Variants in MBD5 observed in about 807,000 individuals in gnomAD.
The protein encoded by MBD5 is methyl-CpG-binding domain protein 5.
MBD5 carries 13 observed loss-of-function variants against 117.3 expected under a neutral mutation model. The ratio of observed to expected loss-of-function variants is 0.11; its 90% CI spans 0.07 to 0.18. The LOEUF (loss-of-function observed/expected upper bound fraction) is 0.18, where lower values mean the gene tolerates loss of function less well. Among genes scored for constraint, MBD5 ranks in the 10% least tolerant of loss-of-function variants. MBD5 has a pLI of 1.00. For missense variants in MBD5, 1,879 were observed against 2,093.8 expected (o/e 0.90, Z 2.00); for synonymous variants, 727 against 766.4 (o/e 0.95, Z 0.85).
chr2:148,053,941 T>G (rs1694787894), intron 1 of MBD5: 1 of 151,770 alleles, frequency 6.6e-6, no homozygotes, highest in South Asian at 2.1e-4. Context: ...AGGGTTTTGC[T>G]TTGTCATCCT....
intron 2 of MBD5, among the ~76,000 whole-genome samples, chr2:148,227,604 T>G (rs1286978916): frequency 6.6e-6 from 1 of 152,206 alleles, no homozygotes; most frequent in African/African-American, 2.4e-5. Context: ...TGGGCTCTAT[T>G]TTGGTTCCAT....
At chr2:148,280,332 G>C (rs957288407) in intron 3 of MBD5, among the ~76,000 whole-genome samples, 1 of 151,874 alleles carries the variant, frequency 6.6e-6, no homozygotes, top group African/African-American at 2.4e-5. Flanking sequence ...GTATTTTGTC[G>C]ATTTTATTTT....
chr2:148,255,657 T>C (rs1700571854), intron 3 of MBD5, among the ~76,000 whole-genome samples: 1 of 152,122 alleles, frequency 6.6e-6, no homozygotes, highest in African/African-American at 2.4e-5. Flanking sequence ...TGGCAGCCTG[T>C]TGTAAGAAAG....
chr2:148,378,430 T>C (rs1346254326), intron 4 of MBD5, among the ~76,000 whole-genome samples: 2 of 152,120 alleles, frequency 1.3e-5, no homozygotes, highest in Admixed American at 6.5e-5. Flanking sequence ...GCATTTCTTT[T>C]ACTGCCTAAT....
chr2:148,167,023 G>A (rs1698141444), intron 1 of MBD5, among the ~76,000 whole-genome samples: 1 of 151,878 alleles, frequency 6.6e-6, no homozygotes, highest in African/African-American at 2.4e-5. Flanking sequence ...AAAAGATTAT[G>A]CTTTACATTG....
rs73019228 is a variant in MBD5 at position 148,446,426 on chromosome 2, T to C, written c.-556-11777T>C. The stretch of plus-strand genomic sequence containing the variant: ...ACAAACAAACAAACAAACAGAACAA[T>C]AGTCTGGATATGAAGGGAAGACCTC... On this transcript the variant is annotated intron_variant, in intron 4 of 13. Coordinates refer to ENST00000642680, the MANE Select transcript of MBD5 (RefSeq NM_001378120.1). Among the ~76,000 whole-genome samples the C allele has an allele frequency of 4.3e-3, 650 of 152,048 alleles. 3 individuals are homozygous for C. The highest frequency in any genetic ancestry group is 0.015 in the African/African-American group (621 of 41,504).
chr2:148,231,280 C>T (rs1444629219), intron 2 of MBD5, among the ~76,000 whole-genome samples: 1 of 152,082 alleles, frequency 6.6e-6, no homozygotes, highest in Non-Finnish European at 1.5e-5. Context: ...TAAAATGCTC[C>T]TTTTTTGGGT....
intron 3 of MBD5, among the ~76,000 whole-genome samples, chr2:148,332,488 G>A (rs963374981): frequency 6.6e-6 from 1 of 152,078 alleles, no homozygotes; most frequent in Non-Finnish European, 1.5e-5. Flanking sequence ...CAGTTTTCAT[G>A]TCTTTTCCTT....
intron 10 of MBD5, among the ~76,000 whole-genome samples, chr2:148,488,775 CA>C (rs776392839): frequency 2.0e-5 from 3 of 152,066 alleles, no homozygotes; most frequent in African/African-American, 7.2e-5. Context: ...CACCACTTTC[CA>C]ATTGAGAATC....
chr2:148,368,512 A>T (rs893776253), intron 4 of MBD5, among the ~76,000 whole-genome samples: 13 of 152,142 alleles, frequency 8.5e-5, no homozygotes, highest in African/African-American at 3.1e-4. Context: ...AAAACAAAAA[A>T]TATTTAAAAA....
intron 3 of MBD5, among the ~76,000 whole-genome samples, chr2:148,268,582 A>G (rs563132720): frequency 8.0e-4 from 122 of 151,696 alleles, no homozygotes; most frequent in African/African-American, 2.6e-3. Flanking sequence ...CATTATTTAT[A>G]TATAATATCA....
At chr2:148,106,161 G>T (rs190997510) in intron 1 of MBD5, among the ~76,000 whole-genome samples, 13 of 151,858 alleles carry the variant, frequency 8.6e-5, no homozygotes, top group Non-Finnish European at 1.8e-4. Flanking sequence ...GATAATTGTT[G>T]TTCAGATCTT....
intron 4 of MBD5, among the ~76,000 whole-genome samples, chr2:148,427,738 A>G (rs1020112419): frequency 6.6e-6 from 1 of 152,188 alleles, no homozygotes; most frequent in African/African-American, 2.4e-5. Flanking sequence ...ATGTATACAT[A>G]TGTAACAAAC....
rs1200329763 is a variant in MBD5, at chr2:148,485,780, C to A, written c.3583C>A (p.Gln1195Lys). The A allele has an allele frequency of 6.2e-7, 1 of 1,613,842 alleles. No homozygotes were observed. Among genetic ancestry groups the A allele is most frequent in the African/African-American group, 1.3e-5 (1 of 75,038 alleles). The change falls in exon 10 of 14, where the codon CAA (glutamine) becomes AAA (lysine). Residue 1195 changes from glutamine (Q) to lysine (K), a missense_variant. This residue lies in a region of MBD5 where 1,666 missense variants were observed against 1,792.2 expected (regional missense o/e 0.93). Coordinates refer to ENST00000642680, the MANE Select transcript of MBD5 (RefSeq NM_001378120.1). ...AATAAACAATACTTTGAGTAACCATCAACTGACTCATCTACAGTCGCTGTT... is the reference window on the plus strand; with the variant it reads ...AATAAACAATACTTTGAGTAACCATAAACTGACTCATCTACAGTCGCTGTT... ...SSINNTLSNH[Q>K]LTHLQSLLNN...
chr2:148,071,919 T>C (rs921810695), intron 1 of MBD5: 2 of 152,200 alleles, frequency 1.3e-5, no homozygotes, highest in African/African-American at 4.8e-5. Context: ...AAAATGTTCA[T>C]TGTGAATCAT....
chr2:148,083,419 C>A (rs1045061142), intron 1 of MBD5, among the ~76,000 whole-genome samples: 2 of 151,806 alleles, frequency 1.3e-5, no homozygotes, highest in Admixed American at 6.6e-5. Flanking sequence ...AACCAAGGAA[C>A]ATATTTTCTT....
intron 1 of MBD5, among the ~76,000 whole-genome samples, chr2:148,152,073 C>T (rs1018246880): frequency 6.6e-6 from 1 of 151,582 alleles, no homozygotes; most frequent in Non-Finnish European, 1.5e-5. Flanking sequence ...CTCTTGTGGG[C>T]ATTTAGTGCT....
chr2:148,363,143 C>A (rs376618251), intron 4 of MBD5, among the ~76,000 whole-genome samples: 1 of 152,130 alleles, frequency 6.6e-6, no homozygotes, highest in East Asian at 1.9e-4. Context: ...ATGAGTTTAA[C>A]GAATTGACAG....
chr2:148,477,280 C>T (rs1680999056), intron 8 of MBD5, among the ~76,000 whole-genome samples: 1 of 152,064 alleles, frequency 6.6e-6, no homozygotes, highest in Admixed American at 6.6e-5. Flanking sequence ...TCCTCTTGGC[C>T]CTGTTGAGTG....
Sources: allele counts gnomAD v4.1 joint callset (sites outside exome capture counted in the v4.1 genomes callset), GRCh38; gene constraint gnomAD v4.1.1; regional missense constraint gnomAD v4.1.1; transcripts MANE v1.5; gene names NCBI Gene and HGNC (gene_info 2026-07-23, HGNC 2026-07-21).